Variants in PROSER1 observed in about 807,000 individuals in gnomAD.
The protein encoded by PROSER1 is proline and serine-rich protein 1.
PROSER1 carries 36 observed loss-of-function variants against 71.8 expected under a neutral mutation model. The observed-to-expected ratio is 0.50, with a 90% CI of 0.38 to 0.66. PROSER1 has a LOEUF of 0.66. Among genes scored for constraint, PROSER1 ranks in the 30% least tolerant of loss-of-function variants. The pLI is 0.00. For missense variants in PROSER1, 1,107 were observed against 1,135.0 expected, an observed-to-expected ratio of 0.98 and a Z score of 0.35; for synonymous variants, 490 against 452.4, an observed-to-expected ratio of 1.08 and a Z score of -1.06.
chr13:39,026,306 T>C lies in PROSER1; in HGVS notation c.451A>G (p.Arg151Gly). ...AAAATTCCATTTATGCGGCTAGGTC[T>C]TCCTTTGGGATATGGATTTCCTGGG... ...TIPGNPYPKG[R>G]PSRINGIFPG... Residue 151 changes from arginine (R) to glycine (G), a missense_variant, in exon 6 of 13, where the codon AGA becomes GGA. Transcript: ENST00000352251. The C allele has an allele frequency of 6.2e-7, 1 of 1,612,454 alleles. No homozygotes were observed. The highest frequency in any genetic ancestry group is 8.5e-7 in the Non-Finnish European group (1 of 1,179,296).
intron 3 of PROSER1, 70 bp from the exon 4 acceptor site, chr13:39,029,445 G>A: frequency 1.2e-6 from 1 of 824,790 alleles, no homozygotes; most frequent in South Asian, 2.1e-5. Flanking sequence ...TTTTCTGGAA[G>A]TACAGTTAAA....
At chr13:39,036,857 T>A (rs1871135433) in intron 1 of PROSER1, among the ~76,000 whole-genome samples, 1 of 152,152 alleles carries the variant, frequency 6.6e-6, no homozygotes, top group African/African-American at 2.4e-5. Context: ...GTCACTCTTG[T>A]GTTACTGAAA....
At chr13:39,032,199 G>C (rs1032079849) in intron 2 of PROSER1, among the ~76,000 whole-genome samples, 4 of 152,052 alleles carry the variant, frequency 2.6e-5, no homozygotes, top group Non-Finnish European at 5.9e-5. Context: ...TGAATCTGGA[G>C]GGCATAAACT....
chr13:39,037,134 T>TCA, intron 1 of PROSER1, 64 bp downstream of exon 1: 2 of 1,255,674 alleles, frequency 1.6e-6, no homozygotes, highest in Non-Finnish European at 2.3e-6. Flanking sequence ...ATACAGTACC[T>TCA]CAAAGAGAGT....
At chr13:39,032,363 T>A (rs906832537) in intron 2 of PROSER1, among the ~76,000 whole-genome samples, 17 of 152,014 alleles carry the variant, frequency 1.1e-4, no homozygotes, top group Admixed American at 1.1e-3. Context: ...GGAAGCATTA[T>A]GAGATAGCCA....
At chr13:39,026,725 G>A (rs1467359417) in intron 5 of PROSER1, among the ~76,000 whole-genome samples, 2 of 152,206 alleles carry the variant, frequency 1.3e-5, no homozygotes, top group Non-Finnish European at 2.9e-5. Context: ...ATCTACAAAT[G>A]CCAAGGTCAT....
chr13:39,018,494 A>C (rs1566023852), intron 9 of PROSER1, among the ~76,000 whole-genome samples: 1 of 144,226 alleles, frequency 6.9e-6, no homozygotes, highest in African/African-American at 2.6e-5. Flanking sequence ...ACACACACAC[A>C]CACACACACA....
chr13:39,013,600 G>C lies in PROSER1; in HGVS notation c.1652C>G (p.Thr551Ser). ...AGACTGTACAGGCAATGTCAGGGGA[G>C]TGGAAGTTGAGTTAGCCACGGGAGA... The part of the protein sequence containing the change: ...LPSPVANSTS[T>S]PLTLPVQSPL... The change falls in exon 11 of 13, where the codon ACT becomes AGT. Residue 551 changes from threonine (T) to serine (S), a missense_variant. By Grantham distance (58) the Thr-to-Ser change is moderately conservative (BLOSUM62 1). Transcript: ENST00000352251. The C allele has an allele frequency of 4.3e-6, 7 of 1,614,194 alleles. No individual in the cohort carries two copies. Among genetic ancestry groups the C allele is most frequent in the Non-Finnish European group, 5.9e-6 (7 of 1,180,034 alleles).
At position 39,037,681 on chromosome 13, in the gene PROSER1, C is replaced by CGGGCGGCGGGGAGGG. The variant is rs1871200300; in HGVS notation, c.-454_-440dup. On this transcript the variant is annotated 5_prime_UTR_variant, in exon 1 of 13. Coordinates refer to ENST00000352251, the MANE Select transcript of PROSER1 (RefSeq NM_025138.5). Reference sequence around the variant, plus strand: ...TAGAAACACCTGCGCTCAGAGTCCACGGGCGGCGGGGAGGGAGGCGCCGGT... The same window carrying CGGGCGGCGGGGAGGG: ...TAGAAACACCTGCGCTCAGAGTCCACGGGCGGCGGGGAGGGGGGCGGCGGGGAGGGAGGCGCCGGT... 6.5e-6 allele frequency: 1 copy of CGGGCGGCGGGGAGGG among 153,766 alleles called. No individual in the cohort carries two copies. The highest frequency in any genetic ancestry group is 2.4e-5 in the African/African-American group (1 of 41,476). The allele number at this position is 153,766 out of a possible 1,614,324, so 9.5% of individuals were successfully genotyped here.
At chr13:39,027,028 A>G (rs1870578375) in intron 5 of PROSER1, among the ~76,000 whole-genome samples, 2 of 152,134 alleles carry the variant, frequency 1.3e-5, no homozygotes, top group Admixed American at 1.3e-4. Context: ...AAAACACTGT[A>G]TTAGGCAACA....
At chr13:39,036,029 T>G (rs925811212) in intron 1 of PROSER1, among the ~76,000 whole-genome samples, 1 of 152,228 alleles carries the variant, frequency 6.6e-6, no homozygotes, top group African/African-American at 2.4e-5. Context: ...GAAGAGAATA[T>G]GCACACTGAG....
chr13:39,035,987 T>C (rs1871082305), intron 1 of PROSER1, among the ~76,000 whole-genome samples: 1 of 152,186 alleles, frequency 6.6e-6, no homozygotes, highest in Non-Finnish European at 1.5e-5. Context: ...TTCCCCTCTT[T>C]AGAATTTACT....
At chr13:39,033,494 C>T (rs1870956307) in intron 2 of PROSER1, among the ~76,000 whole-genome samples, 1 of 152,208 alleles carries the variant, frequency 6.6e-6, no homozygotes, top group Admixed American at 6.5e-5. Flanking sequence ...GTTCTCCAGA[C>T]ATTTCTATTA....
intron 1 of PROSER1, 72 bp downstream of exon 1, chr13:39,037,126 A>G (rs1871151793): frequency 4.3e-6 from 5 of 1,155,952 alleles, no homozygotes; most frequent in African/African-American, 1.5e-5. Context: ...CAATCTCCAT[A>G]CAGTACCTCA....
At position 39,013,695 on chromosome 13, in the gene PROSER1, A is replaced by G. The variant is rs1277089127; in HGVS notation, c.1557T>C (p.Tyr519=). The part of the protein sequence containing the change: ...DSSASAPNKC[Y]APSAIPTPQR... ...GTGGGGTAGGGATGGCTGATGGGGC[A>G]TAGCACTTGTTAGGGGCTGAAGCAG... The change falls in exon 11 of 13, where the codon TAT becomes TAC. Residue 519 remains tyrosine, a synonymous_variant. Coordinates refer to ENST00000352251, the MANE Select transcript of PROSER1 (RefSeq NM_025138.5). 6.2e-7 allele frequency: 1 copy of G among 1,614,214 alleles called. No individual in the cohort carries two copies. The highest frequency in any genetic ancestry group is 8.5e-7 in the Non-Finnish European group (1 of 1,180,028).
Position 39,013,785 on chromosome 13 carries a change from T to C in PROSER1, c.1467A>G (p.Leu489=), listed in dbSNP as rs1223140370. The change falls in exon 11 of 13, where the codon TTA becomes TTG. Residue 489 remains leucine (L), a synonymous_variant. Transcript: ENST00000352251. ...NDTNLINSSA[L]SSAVTSGLAS... is the part of the protein sequence containing the mutation. ...CCAGCCCACTTGTGACAGCAGAGGA[T>C]AAAGCAGAGGAGTTGATTAAATTGG... 6.2e-7 allele frequency: 1 copy of C among 1,614,006 alleles called. No individual in the cohort carries two copies. Among genetic ancestry groups the C allele is most frequent in the African/African-American group, 1.3e-5 (1 of 74,906 alleles).
rs1870375035 is a variant in PROSER1, at chr13:39,023,119, T to G, written c.576A>C (p.Thr192=). Residue 192 remains threonine (T), a synonymous_variant, in exon 8 of 13, where the codon ACA becomes ACC. Transcript: ENST00000352251. ...AAGGAACAGGTTTATGTGGATTATA[T>G]GTTGAAGGAGGCTAAAACATGGGGG... The part of the protein sequence containing the change: ...ILGPSKPPPS[T]YNPHKPVPYP... 1 of 1,612,804 alleles carries G rather than the reference T, an allele frequency of 6.2e-7. No homozygotes were observed. Among genetic ancestry groups the G allele is most frequent in the African/African-American group, 1.3e-5 (1 of 74,860 alleles).
chr13:39,019,378 C>T lies in PROSER1; in HGVS notation c.731-1834G>A, dbSNP rs1000196293. Among the ~76,000 whole-genome samples the T allele has an allele frequency of 1.1e-4, 16 of 149,336 alleles. 1 individual carries two copies. Among genetic ancestry groups the T allele is most frequent in the Admixed American group, 1.1e-3 (16 of 15,010 alleles). On this transcript the variant is annotated intron_variant, in intron 9 of 12. Coordinates refer to ENST00000352251, the MANE Select transcript of PROSER1 (RefSeq NM_025138.5). ...AAAAAAAAAAGAAAAATTAGCCAGG[C>T]ATGGTGGTATGCCTGTAATCCCAGC... is the stretch of plus-strand genomic sequence containing the variant.
intron 8 of PROSER1, 37 bp from the exon 9 acceptor site, chr13:39,022,449 G>T: frequency 7.3e-7 from 1 of 1,376,908 alleles, no homozygotes; most frequent in Non-Finnish European, 1.0e-6. Flanking sequence ...ATATACCTTA[G>T]GACTGTTCTG....
Sources: allele counts gnomAD v4.1 joint callset (sites outside exome capture counted in the v4.1 genomes callset), GRCh38; gene constraint gnomAD v4.1.1; transcripts MANE v1.5; gene names NCBI Gene and HGNC (gene_info 2026-07-23, HGNC 2026-07-21).